The following TMCC1 variants were observed in gnomAD, a reference collection of about 807,000 sequenced individuals.
The protein encoded by TMCC1 is transmembrane and coiled-coil domains protein 1.
TMCC1 carries 15 observed loss-of-function variants against 52.4 expected under a neutral mutation model. The ratio of observed to expected loss-of-function variants is 0.29; its 90% CI spans 0.19 to 0.44. The LOEUF is 0.44. TMCC1 is among the 20% of genes least tolerant of loss of function. TMCC1 has a pLI of 1.00. For synonymous variants in TMCC1, 279 were observed against 301.9 expected, an observed-to-expected ratio of 0.92 and a Z score of 0.79; for missense variants, 503 against 806.0, an observed-to-expected ratio of 0.62 and a Z score of 4.55.
intron 2 of TMCC1, among the ~76,000 whole-genome samples, chr3:129,849,445 G>C (rs946665515): frequency 8.0e-5 from 12 of 150,316 alleles, no homozygotes; most frequent in African/African-American, 2.4e-4. Context: ...CTGGGCAACA[G>C]AGCGAGACTC....
chr3:129,683,360 C>G (rs888525748), intron 4 of TMCC1, among the ~76,000 whole-genome samples: 1 of 152,162 alleles, frequency 6.6e-6, no homozygotes, highest in African/African-American at 2.4e-5. Flanking sequence ...GTTTGGCACC[C>G]AACCGTATTA....
At chr3:129,806,853 A>G (rs1045783891) in intron 4 of TMCC1, among the ~76,000 whole-genome samples, 2 of 152,154 alleles carry the variant, frequency 1.3e-5, no homozygotes, top group African/African-American at 4.8e-5. Flanking sequence ...TTGGAAAATA[A>G]ACTTTAAGGA....
chr3:129,795,729 C>T (rs1374083830), intron 4 of TMCC1, among the ~76,000 whole-genome samples: 1 of 152,202 alleles, frequency 6.6e-6, no homozygotes. Flanking sequence ...AAGTTGTAAA[C>T]TGCATGCCGT....
chr3:129,771,691 C>T (rs1407515459), intron 4 of TMCC1, among the ~76,000 whole-genome samples: 1 of 140,726 alleles, frequency 7.1e-6, no homozygotes, highest in African/African-American at 2.5e-5. Flanking sequence ...GAGAGGATCA[C>T]TTGGCCCCAG....
At chr3:129,814,153 C>T (rs2057980729) in intron 4 of TMCC1, among the ~76,000 whole-genome samples, 1 of 151,990 alleles carries the variant, frequency 6.6e-6, no homozygotes, top group Non-Finnish European at 1.5e-5. Context: ...TAGGAGAAGA[C>T]CTGAGCGTAA....
chr3:129,859,651 TACACACACACACACACACACAC>T (rs59213877), intron 2 of TMCC1, among the ~76,000 whole-genome samples: 1 of 148,692 alleles, frequency 6.7e-6, no homozygotes, highest in Non-Finnish European at 1.5e-5. Context: ...CACACACACA[TACACACACACACACACACACAC>T]ACACACACAC....
intron 4 of TMCC1, among the ~76,000 whole-genome samples, chr3:129,709,591 T>C (rs1464205341): frequency 6.6e-6 from 1 of 151,988 alleles, no homozygotes; most frequent in African/African-American, 2.4e-5. Flanking sequence ...TTTTTGTTGC[T>C]ACACAATAAA....
intron 4 of TMCC1, among the ~76,000 whole-genome samples, chr3:129,751,228 A>G (rs2052485530): frequency 6.6e-6 from 1 of 150,930 alleles, no homozygotes; most frequent in African/African-American, 2.4e-5. Flanking sequence ...AAAATTCGGG[A>G]AAAAAAAGAC....
intron 1 of TMCC1, among the ~76,000 whole-genome samples, chr3:129,884,083 A>C (rs1185523650): frequency 6.6e-6 from 1 of 152,098 alleles, no homozygotes; most frequent in Non-Finnish European, 1.5e-5. Context: ...AAAACAAATT[A>C]AAGTCTTCAG....
At chr3:129,764,204 T>TAC (rs2053889569) in intron 4 of TMCC1, among the ~76,000 whole-genome samples, 1 of 152,244 alleles carries the variant, frequency 6.6e-6, no homozygotes, top group South Asian at 2.1e-4. Flanking sequence ...CTCCACTGTT[T>TAC]TGCCATACAT....
intron 1 of TMCC1, among the ~76,000 whole-genome samples, chr3:129,890,113 T>C (rs2061897056): frequency 6.6e-6 from 1 of 152,066 alleles, no homozygotes; most frequent in Non-Finnish European, 1.5e-5. Flanking sequence ...ACCCCATCTC[T>C]CTCCATAATA....
At chr3:129,669,847 A>G (rs1250069018) in intron 5 of TMCC1, among the ~76,000 whole-genome samples, 1 of 152,142 alleles carries the variant, frequency 6.6e-6, no homozygotes, top group African/African-American at 2.4e-5. Flanking sequence ...GTTTAAGTCC[A>G]CTCTCATTCA....
At chr3:129,686,557 A>G (rs1057278893) in intron 4 of TMCC1, among the ~76,000 whole-genome samples, 1 of 152,114 alleles carries the variant, frequency 6.6e-6, no homozygotes, top group African/African-American at 2.4e-5. Flanking sequence ...TCAGCCTGCC[A>G]TTTTGCTAAA....
chr3:129,881,717 T>C (rs1406126587), intron 1 of TMCC1, among the ~76,000 whole-genome samples: 1 of 152,090 alleles, frequency 6.6e-6, no homozygotes, highest in African/African-American at 2.4e-5. Context: ...ATAGAATATA[T>C]AAAATGAAAT....
intron 2 of TMCC1, among the ~76,000 whole-genome samples, chr3:129,870,663 C>G (rs2060869974): frequency 1.6e-5 from 2 of 123,620 alleles, no homozygotes. Context: ...GGCATGAACC[C>G]AGGAGGCGGA....
intron 4 of TMCC1, among the ~76,000 whole-genome samples, chr3:129,811,710 G>A (rs1403248247): frequency 4.6e-5 from 7 of 151,594 alleles, no homozygotes; most frequent in Admixed American, 2.6e-4. Context: ...TTGGGAGGCT[G>A]AGGTGGGCAG....
chr3:129,717,138 T>C (rs1454049383), intron 4 of TMCC1, among the ~76,000 whole-genome samples: 1 of 152,206 alleles, frequency 6.6e-6, no homozygotes, highest in Non-Finnish European at 1.5e-5. Context: ...TCATAAAGAT[T>C]ATTCAAACTC....
intron 4 of TMCC1, among the ~76,000 whole-genome samples, chr3:129,794,791 G>A (rs1202463716): frequency 1.3e-5 from 2 of 152,166 alleles, no homozygotes; most frequent in African/African-American, 4.8e-5. Flanking sequence ...TCTGCTCCAA[G>A]TAGGAGACAG....
At chr3:129,699,081 C>T (rs2047622773) in intron 4 of TMCC1, among the ~76,000 whole-genome samples, 1 of 152,004 alleles carries the variant, frequency 6.6e-6, no homozygotes, top group Admixed American at 6.6e-5. Flanking sequence ...ACTTTTAGGC[C>T]AGGCACAACG....
Sources: allele counts gnomAD v4.1 joint callset (sites outside exome capture counted in the v4.1 genomes callset), GRCh38; gene constraint gnomAD v4.1.1; transcripts MANE v1.5; gene names NCBI Gene and HGNC (gene_info 2026-07-23, HGNC 2026-07-21).